GALNT13: variants seen among roughly 807,000 people sequenced by gnomAD.
GALNT13 encodes UDP-GalNAc:polypeptide N-acetylgalactosaminyltransferase 13.
Under a neutral mutation model 64.2 loss-of-function variants are expected in GALNT13, and 28 were observed. The observed-to-expected ratio is 0.44, with a 90% CI of 0.32 to 0.60. The LOEUF (loss-of-function observed/expected upper bound fraction) is 0.60, where lower values mean the gene tolerates loss of function less well. GALNT13 is among the 20% of genes least tolerant of loss of function. GALNT13 has a pLI of 0.05. For missense variants in GALNT13, 577 were observed against 669.8 expected (o/e 0.86, Z 1.53); for synonymous variants, 214 against 224.6 (o/e 0.95, Z 0.42).
At chr2:154,358,989 T>C (rs1696909587) in intron 9 of GALNT13, among the ~76,000 whole-genome samples, 1 of 152,162 alleles carries the variant, frequency 6.6e-6, no homozygotes, top group South Asian at 2.1e-4. Context: ...AATTTCATCG[T>C]AGCCCATCTG....
chr2:153,967,304 T>G (rs540665111), intron 3 of GALNT13, among the ~76,000 whole-genome samples: 5 of 152,210 alleles, frequency 3.3e-5, no homozygotes, highest in Non-Finnish European at 7.3e-5. Flanking sequence ...TGTTGATATC[T>G]GGGCATTGAA....
intron 8 of GALNT13, among the ~76,000 whole-genome samples, chr2:154,292,992 A>G (rs1456558440): frequency 2.6e-5 from 4 of 152,210 alleles, no homozygotes; most frequent in Non-Finnish European, 5.9e-5. Context: ...GGCATTTTAC[A>G]TTTTGATTAA....
chr2:154,382,549 T>A (rs1463895546), intron 9 of GALNT13, among the ~76,000 whole-genome samples: 1 of 152,070 alleles, frequency 6.6e-6, no homozygotes, highest in East Asian at 1.9e-4. Context: ...AGTATGTTAC[T>A]CTACCATTCC....
chr2:154,361,095 C>T (rs1016834032), intron 9 of GALNT13, among the ~76,000 whole-genome samples: 13 of 151,974 alleles, frequency 8.6e-5, no homozygotes, highest in Admixed American at 8.5e-4. Flanking sequence ...CCTAATTTCT[C>T]TACATATTTT....
chr2:153,276,811 A>G, the GALNT13 span, among the ~76,000 whole-genome samples: 1 of 152,176 alleles, frequency 6.6e-6, no homozygotes, highest in African/African-American at 2.4e-5. Context: ...TTTGTGAGCT[A>G]TACATAGAGG....
chr2:154,328,535 C>A (rs957920426), intron 9 of GALNT13, among the ~76,000 whole-genome samples: 1 of 152,086 alleles, frequency 6.6e-6, no homozygotes, highest in African/African-American at 2.4e-5. Context: ...ACCAGAGATT[C>A]TCTGGGGCTT....
chr2:153,937,789 T>C (rs993856744), intron 2 of GALNT13, among the ~76,000 whole-genome samples: 11 of 152,094 alleles, frequency 7.2e-5, no homozygotes, highest in African/African-American at 2.4e-4. Context: ...TAGAAAGGAG[T>C]ACACGGTTTA....
At chr2:153,974,209 A>G (rs929385849) in intron 3 of GALNT13, among the ~76,000 whole-genome samples, 2 of 152,062 alleles carry the variant, frequency 1.3e-5, no homozygotes, top group Non-Finnish European at 2.9e-5. Context: ...GCTCTAAGTC[A>G]TAACTCCTTA....
At chr2:153,098,936 A>G in the GALNT13 span, among the ~76,000 whole-genome samples, 7 of 152,326 alleles carry the variant, frequency 4.6e-5, no homozygotes, top group South Asian at 1.4e-3. Context: ...CTTGGAAAGC[A>G]TCTCTTTCAA....
intron 4 of GALNT13, among the ~76,000 whole-genome samples, chr2:154,238,411 A>G (rs1689308642): frequency 6.6e-6 from 1 of 152,030 alleles, no homozygotes; most frequent in South Asian, 2.1e-4. Context: ...TTTAAGTATT[A>G]AATGGACTCT....
chr2:153,420,673 AG>A, the GALNT13 span: 1 of 223,462 alleles, frequency 4.5e-6, no homozygotes, highest in Admixed American at 4.1e-5. Context: ...ATGGAAAATT[AG>A]TGTTCCCCTT....
chr2:154,399,646 C>T (rs1178834959), intron 10 of GALNT13, among the ~76,000 whole-genome samples: 1 of 152,112 alleles, frequency 6.6e-6, no homozygotes, highest in African/African-American at 2.4e-5. Flanking sequence ...GGCCACTGGT[C>T]CTCTTGGCTG....
intron 3 of GALNT13, among the ~76,000 whole-genome samples, chr2:153,948,488 C>G (rs1343919419): frequency 6.6e-6 from 1 of 151,996 alleles, no homozygotes; most frequent in Non-Finnish European, 1.5e-5. Flanking sequence ...ACTATTCAAC[C>G]CAGCAATCCC....
chr2:153,790,099 G>A, the GALNT13 span, among the ~76,000 whole-genome samples: 3 of 152,086 alleles, frequency 2.0e-5, no homozygotes, highest in South Asian at 2.1e-4. Flanking sequence ...CAGCATCACC[G>A]TGATACCAAA....
At chr2:154,083,309 C>G (rs1031535669) in intron 3 of GALNT13, among the ~76,000 whole-genome samples, 5 of 151,986 alleles carry the variant, frequency 3.3e-5, no homozygotes, top group Admixed American at 2.6e-4. Context: ...GTTTTGGTGA[C>G]TGTAGGCTTG....
At chr2:154,203,130 T>C (rs1052077447) in intron 4 of GALNT13, among the ~76,000 whole-genome samples, 14 of 152,090 alleles carry the variant, frequency 9.2e-5, no homozygotes, top group African/African-American at 3.4e-4. Flanking sequence ...TGTAACCCAG[T>C]GTGAGGCATG....
the GALNT13 span, among the ~76,000 whole-genome samples, chr2:153,207,444 A>G: frequency 6.6e-6 from 1 of 152,100 alleles, no homozygotes; most frequent in Non-Finnish European, 1.5e-5. Flanking sequence ...TCTTTTTGTG[A>G]TATCAACAAC....
the GALNT13 span, among the ~76,000 whole-genome samples, chr2:153,842,800 A>G: frequency 1.3e-5 from 2 of 152,104 alleles, no homozygotes; most frequent in Admixed American, 1.3e-4. Flanking sequence ...TGTAATAACC[A>G]CATATGAACT....
At chr2:153,740,914 C>G in the GALNT13 span, among the ~76,000 whole-genome samples, 1 of 152,134 alleles carries the variant, frequency 6.6e-6, no homozygotes, top group Non-Finnish European at 1.5e-5. Context: ...CTTTCCGGCT[C>G]TCCTCTTAGA....
Sources: allele counts gnomAD v4.1 joint callset (sites outside exome capture counted in the v4.1 genomes callset), GRCh38; gene constraint gnomAD v4.1.1; transcripts MANE v1.5; gene names NCBI Gene and HGNC (gene_info 2026-07-23, HGNC 2026-07-21).